GRIA4: variants seen among roughly 807,000 people sequenced by gnomAD.
GRIA4 encodes the protein glutamate ionotropic receptor AMPA type subunit 4.
In GRIA4, 34 loss-of-function variants were observed where a neutral mutation model predicts 104.0. The ratio of observed to expected loss-of-function variants is 0.33; its 90% CI spans 0.25 to 0.44. GRIA4 has a LOEUF of 0.44. Among genes scored for constraint, GRIA4 ranks in the 20% least tolerant of loss-of-function variants. The probability of loss-of-function intolerance (pLI) is 1.00; values close to 1 mark genes in which losing one functional copy is unlikely to be tolerated. For synonymous variants in GRIA4, 386 were observed against 381.9 expected (o/e 1.01, Z -0.13); for missense variants, 750 against 1,096.5 (o/e 0.68, Z 4.46).
chr11:105,655,311 C>A (rs1037487258), intron 3 of GRIA4, among the ~76,000 whole-genome samples: 1 of 152,056 alleles, frequency 6.6e-6, no homozygotes, highest in African/African-American at 2.4e-5. Context: ...GTAGTTACAT[C>A]TAACCTTTTT....
chr11:105,890,690 C>T (rs1946423861), intron 6 of GRIA4, among the ~76,000 whole-genome samples: 1 of 152,192 alleles, frequency 6.6e-6, no homozygotes, highest in Non-Finnish European at 1.5e-5. Context: ...AAGCCTGAAC[C>T]TGCAGAAGGT....
intron 4 of GRIA4, among the ~76,000 whole-genome samples, chr11:105,815,280 C>T (rs1177515064): frequency 6.6e-6 from 1 of 152,162 alleles, no homozygotes; most frequent in African/African-American, 2.4e-5. Flanking sequence ...AATTTAAGAT[C>T]AGTTCTGGAA....
At chr11:105,747,920 C>T (rs894870000) in intron 3 of GRIA4, among the ~76,000 whole-genome samples, 3 of 152,190 alleles carry the variant, frequency 2.0e-5, no homozygotes, top group African/African-American at 7.2e-5. Flanking sequence ...AACTTCGACA[C>T]ATACTTCAAA....
chr11:105,610,870 C>CTTTTTTTTCTTTTTTTT (rs1950455711), intron 1 of GRIA4, 38 bp from the exon 2 acceptor site: 3 of 330,396 alleles, frequency 9.1e-6, no homozygotes, highest in African/African-American at 8.0e-5. Context: ...TCTTTCTTTT[C>CTTTTTTTTCTTTTTTTT]TTTTTTTTTT....
At chr11:105,686,002 T>C (rs1218206506) in intron 3 of GRIA4, among the ~76,000 whole-genome samples, 2 of 151,378 alleles carry the variant, frequency 1.3e-5, no homozygotes, top group Non-Finnish European at 2.9e-5. Flanking sequence ...TACTAAGAAA[T>C]GAAATTGAAG....
chr11:105,806,261 T>C (rs1464188403), intron 4 of GRIA4, among the ~76,000 whole-genome samples: 2 of 151,730 alleles, frequency 1.3e-5, no homozygotes, highest in Non-Finnish European at 2.9e-5. Flanking sequence ...GAGAACAAAA[T>C]TGGGGGGCCA....
chr11:105,768,252 T>C (rs1941045218), intron 4 of GRIA4, among the ~76,000 whole-genome samples: 1 of 152,222 alleles, frequency 6.6e-6, no homozygotes, highest in Non-Finnish European at 1.5e-5. Context: ...CATATGCATG[T>C]GCCAGTTTTC....
At chr11:105,629,622 T>G (rs1319195784) in intron 3 of GRIA4, among the ~76,000 whole-genome samples, 2 of 152,200 alleles carry the variant, frequency 1.3e-5, no homozygotes, top group Non-Finnish European at 2.9e-5. Context: ...TTCTAAATTT[T>G]TACATGTTTA....
intron 5 of GRIA4, among the ~76,000 whole-genome samples, chr11:105,865,317 C>G (rs1275861763): frequency 5.3e-5 from 8 of 152,182 alleles, no homozygotes; most frequent in Admixed American, 4.6e-4. Context: ...ACCAATCAAA[C>G]AAATTGGAAT....
At chr11:105,739,507 G>A (rs545825596) in intron 3 of GRIA4, among the ~76,000 whole-genome samples, 113 of 152,264 alleles carry the variant, frequency 7.4e-4, no homozygotes, top group African/African-American at 2.6e-3. Flanking sequence ...ATATTTTTGT[G>A]TAATTTGCAT....
At chr11:105,938,041 T>C (rs1046265190) in intron 14 of GRIA4, among the ~76,000 whole-genome samples, 2 of 152,228 alleles carry the variant, frequency 1.3e-5, no homozygotes, top group Non-Finnish European at 2.9e-5. Flanking sequence ...CCTTTCAGTA[T>C]TGAACAAAAC....
At chr11:105,815,890 A>G (rs1943356833) in intron 4 of GRIA4, among the ~76,000 whole-genome samples, 1 of 152,150 alleles carries the variant, frequency 6.6e-6, no homozygotes, top group African/African-American at 2.4e-5. Flanking sequence ...GTGTCAAGAT[A>G]TTTATCCATT....
At chr11:105,971,347 C>T (rs1292347060) in intron 14 of GRIA4, among the ~76,000 whole-genome samples, 5 of 152,186 alleles carry the variant, frequency 3.3e-5, no homozygotes, top group Non-Finnish European at 5.9e-5. Flanking sequence ...TGACCTTCCT[C>T]TGCATAAGAT....
intron 4 of GRIA4, among the ~76,000 whole-genome samples, chr11:105,781,716 C>T (rs890305888): frequency 3.3e-5 from 5 of 151,944 alleles, no homozygotes; most frequent in East Asian, 3.9e-4. Context: ...CCACAAGAAT[C>T]GGAGACACAA....
At chr11:105,870,189 T>C (rs1334314928) in intron 5 of GRIA4, among the ~76,000 whole-genome samples, 1 of 150,740 alleles carries the variant, frequency 6.6e-6, no homozygotes, top group Non-Finnish European at 1.5e-5. Flanking sequence ...GAAATATATA[T>C]ATTCTATATT....
At chr11:105,697,901 T>C (rs1301841165) in intron 3 of GRIA4, among the ~76,000 whole-genome samples, 1 of 152,206 alleles carries the variant, frequency 6.6e-6, no homozygotes, top group Non-Finnish European at 1.5e-5. Flanking sequence ...ATAGCTTTCA[T>C]CAGCTTTTCA....
intron 15 of GRIA4, among the ~76,000 whole-genome samples, chr11:105,973,359 A>G (rs1165236465): frequency 6.6e-6 from 1 of 152,154 alleles, no homozygotes; most frequent in Non-Finnish European, 1.5e-5. Flanking sequence ...AAGCATATTT[A>G]TAATTTATTA....
chr11:105,810,327 C>T (rs750879131), intron 4 of GRIA4, among the ~76,000 whole-genome samples: 15 of 152,166 alleles, frequency 9.9e-5, no homozygotes, highest in Non-Finnish European at 1.9e-4. Context: ...AGTTGTTCCC[C>T]TCTTTCTTTT....
chr11:105,887,104 C>T (rs1410881281), intron 5 of GRIA4, among the ~76,000 whole-genome samples: 2 of 152,072 alleles, frequency 1.3e-5, no homozygotes, highest in African/African-American at 4.8e-5. Context: ...GATGACTATT[C>T]TTACCCTATT....
Sources: gnomAD v4.1 joint callset for allele counts (sites outside exome capture counted in the v4.1 genomes callset) on GRCh38, gnomAD v4.1.1 for gene constraint, MANE v1.5 for transcripts, NCBI Gene and HGNC (gene_info 2026-07-23, HGNC 2026-07-21) for gene names.